Variants in PTPRD observed in about 807,000 individuals in gnomAD.
PTPRD encodes the protein receptor-type tyrosine-protein phosphatase delta.
Under a neutral mutation model 214.5 loss-of-function variants are expected in PTPRD, and 34 were observed. The observed-to-expected ratio is 0.16, with a 90% CI of 0.12 to 0.21. The LOEUF (loss-of-function observed/expected upper bound fraction) is 0.21, where lower values mean the gene tolerates loss of function less well. Among genes scored for constraint, PTPRD ranks in the 10% least tolerant of loss-of-function variants. PTPRD has a pLI of 1.00. For missense variants in PTPRD, 2,545 were observed against 2,398.7 expected (o/e 1.06, Z -1.27); for synonymous variants, 1,128 against 845.7 (o/e 1.33, Z -5.79).
rs2074897127 is a variant in PTPRD, at chr9:10,589,601, G to C, written c.-600+22797C>G. The stretch of plus-strand genomic sequence containing the variant: ...GCCAAACTCAGGAATGAATTACTGT[G>C]GTAACAGCTATAAAGGACTCCAGTG... On this transcript the variant is annotated intron_variant, in intron 2 of 45. Coordinates refer to ENST00000381196, the MANE Select transcript of PTPRD (RefSeq NM_002839.4). Among the ~76,000 whole-genome samples, 4 of 152,106 alleles carry C rather than the reference G, an allele frequency of 2.6e-5. No homozygotes were observed. In the South Asian group the frequency reaches 8.3e-4, roughly 32 times the overall value.
At chr9:10,013,151 A>G (rs1332646632) in intron 4 of PTPRD, among the ~76,000 whole-genome samples, 1 of 151,866 alleles carries the variant, frequency 6.6e-6, no homozygotes, top group East Asian at 1.9e-4. Flanking sequence ...TATACCTACA[A>G]TAAGTCTTTA....
chr9:10,236,365 C>A (rs1368522982), intron 3 of PTPRD, among the ~76,000 whole-genome samples: 1 of 151,856 alleles, frequency 6.6e-6, no homozygotes, highest in East Asian at 2.0e-4. Context: ...AGAAAAGGCT[C>A]CTATCTTGAC....
intron 11 of PTPRD, among the ~76,000 whole-genome samples, chr9:8,975,844 A>C (rs1187278213): frequency 2.0e-5 from 3 of 151,546 alleles, no homozygotes; most frequent in Non-Finnish European, 4.4e-5. Context: ...TTAAATGATA[A>C]ATTTTCTCTA....
chr9:8,785,565 G>C (rs1261458653), intron 11 of PTPRD, among the ~76,000 whole-genome samples: 3 of 152,152 alleles, frequency 2.0e-5, no homozygotes, highest in African/African-American at 7.2e-5. Context: ...CCATATTAAA[G>C]ACCATCAGCT....
intron 5 of PTPRD, among the ~76,000 whole-genome samples, chr9:9,818,019 A>T (rs558979388): frequency 6.6e-6 from 1 of 152,150 alleles, no homozygotes; most frequent in African/African-American, 2.4e-5. Context: ...TCTTGGGGAA[A>T]GAAGTTAATA....
At chr9:8,943,974 T>C (rs2099048993) in intron 11 of PTPRD, among the ~76,000 whole-genome samples, 1 of 151,634 alleles carries the variant, frequency 6.6e-6, no homozygotes, top group African/African-American at 2.4e-5. Context: ...ACACATGGAA[T>C]GGGAGAAAAC....
chr9:10,090,174 G>A (rs185018239), intron 3 of PTPRD, among the ~76,000 whole-genome samples: 362 of 151,584 alleles, frequency 2.4e-3, no homozygotes, highest in African/African-American at 8.3e-3. Flanking sequence ...TTTAAAATCT[G>A]CTTATTACTT....
intron 2 of PTPRD, among the ~76,000 whole-genome samples, chr9:10,486,822 T>G (rs909031213): frequency 6.6e-6 from 1 of 152,222 alleles, no homozygotes; most frequent in African/African-American, 2.4e-5. Context: ...TAGTTCCATT[T>G]GGTCTTTAGT....
At chr9:9,452,499 TATG>T (rs2092382636) in intron 8 of PTPRD, among the ~76,000 whole-genome samples, 1 of 151,158 alleles carries the variant, frequency 6.6e-6, no homozygotes, top group African/African-American at 2.4e-5. Flanking sequence ...CAAAAATGAA[TATG>T]ATAAGATTTG....
chr9:9,632,420 A>G (rs1347154784), intron 7 of PTPRD, among the ~76,000 whole-genome samples: 1 of 152,172 alleles, frequency 6.6e-6, no homozygotes, highest in Admixed American at 6.5e-5. Flanking sequence ...GAGAGAATGG[A>G]AAGTGACTTT....
chr9:9,822,456 C>A (rs1370872064), intron 5 of PTPRD, among the ~76,000 whole-genome samples: 1 of 146,654 alleles, frequency 6.8e-6, no homozygotes, highest in Non-Finnish European at 1.5e-5. Flanking sequence ...ACATAATATA[C>A]AATATATATG....
chr9:8,409,371 T>C (rs2093331319), intron 35 of PTPRD, among the ~76,000 whole-genome samples: 1 of 152,172 alleles, frequency 6.6e-6, no homozygotes, highest in Non-Finnish European at 1.5e-5. Context: ...TCTCTCTAGT[T>C]AAGCTGGAGA....
intron 11 of PTPRD, among the ~76,000 whole-genome samples, chr9:8,914,382 T>A (rs1165583888): frequency 1.8e-4 from 28 of 152,160 alleles, no homozygotes; most frequent in Admixed American, 1.8e-3. Flanking sequence ...CCATTTGAAC[T>A]TTTAAACAGA....
chr9:8,592,224 A>G (rs923294866), intron 14 of PTPRD, among the ~76,000 whole-genome samples: 7 of 152,116 alleles, frequency 4.6e-5, no homozygotes, highest in African/African-American at 1.7e-4. Flanking sequence ...GCTCTTCTTA[A>G]AGTTTCACTC....
intron 11 of PTPRD, among the ~76,000 whole-genome samples, chr9:8,930,771 G>T (rs1279886160): frequency 6.6e-6 from 1 of 152,150 alleles, no homozygotes; most frequent in Non-Finnish European, 1.5e-5. Flanking sequence ...TTTGAGAAGT[G>T]TCTGTTCATA....
chr9:9,445,773 T>A (rs1309271087), intron 8 of PTPRD, among the ~76,000 whole-genome samples: 1 of 152,054 alleles, frequency 6.6e-6, no homozygotes, highest in Non-Finnish European at 1.5e-5. Context: ...AGGATGAGAT[T>A]TGGGTGGGGA....
At chr9:9,026,115 G>T (rs1157467910) in intron 10 of PTPRD, among the ~76,000 whole-genome samples, 1 of 116,370 alleles carries the variant, frequency 8.6e-6, no homozygotes. Flanking sequence ...TGCTACAGAG[G>T]ATAGTCAGGA....
intron 39 of PTPRD, among the ~76,000 whole-genome samples, chr9:8,359,363 T>G (rs2077872475): frequency 6.6e-6 from 1 of 151,906 alleles, no homozygotes; most frequent in African/African-American, 2.4e-5. Flanking sequence ...CTCGCTCTGT[T>G]GCCCAGGCTG....
chr9:9,414,988 C>A (rs1310675485), intron 8 of PTPRD, among the ~76,000 whole-genome samples: 1 of 152,146 alleles, frequency 6.6e-6, no homozygotes, highest in African/African-American at 2.4e-5. Context: ...TTTACTTTTG[C>A]CTTCCTGAAA....
Sources: allele counts gnomAD v4.1 joint callset (sites outside exome capture counted in the v4.1 genomes callset), GRCh38; gene constraint gnomAD v4.1.1; transcripts MANE v1.5; gene names NCBI Gene and HGNC (gene_info 2026-07-23, HGNC 2026-07-21).